The following CC2D2A variants were observed in gnomAD, a reference collection of about 807,000 sequenced individuals.
CC2D2A encodes coiled-coil and C2 domain-containing protein 2A.
In CC2D2A, 155 loss-of-function variants were observed where a neutral mutation model predicts 212.9. That is an observed-to-expected ratio of 0.73 (90% CI 0.64 to 0.83). The LOEUF (loss-of-function observed/expected upper bound fraction) is 0.83. Among genes scored for constraint, CC2D2A ranks in the 40% least tolerant of loss-of-function variants. CC2D2A has a pLI of 0.00. For synonymous variants in CC2D2A, 667 were observed against 686.5 expected (o/e 0.97, Z 0.44); for missense variants, 1,856 against 1,956.2 (o/e 0.95, Z 0.97).
intron 17 of CC2D2A, among the ~76,000 whole-genome samples, chr4:15,544,778 T>C (rs1718626264): frequency 6.6e-6 from 1 of 152,252 alleles, no homozygotes; most frequent in Admixed American, 6.5e-5. Flanking sequence ...TATCTCCTGC[T>C]TATTGCCTTG....
chr4:15,576,701 C>T (rs919655183), intron 29 of CC2D2A: 1 of 152,618 alleles, frequency 6.6e-6, no homozygotes, highest in African/African-American at 2.4e-5. Context: ...TCCACTGCCA[C>T]CTGAGGGACA....
rs557204345 is a variant in CC2D2A at position 15,522,016 on chromosome 4, T to G, written c.1149+5260T>G. Among the ~76,000 whole-genome samples the G allele has an allele frequency of 2.0e-5, 3 of 152,146 alleles. No homozygotes were observed. The South Asian group carries it at 6.2e-4, about 32-fold the overall frequency. On this transcript the variant is annotated intron_variant, in intron 11 of 36. Coordinates refer to ENST00000424120, the MANE Select transcript of CC2D2A (RefSeq NM_001378615.1). Reference sequence around the variant, plus strand: ...GAATTTGAGAACAGCCTGGACAACATAGTGAGACCCCCCTACCTCTACAAA... The same window carrying G: ...GAATTTGAGAACAGCCTGGACAACAGAGTGAGACCCCCCTACCTCTACAAA...
intron 15 of CC2D2A, 63 bp downstream of exon 15, chr4:15,537,139 C>T: frequency 6.6e-7 from 1 of 1,506,818 alleles, no homozygotes; most frequent in Non-Finnish European, 9.1e-7. Flanking sequence ...AGGGCAGCCT[C>T]CAGTACAGGA....
chr4:15,577,899 A>G (rs1224834416), intron 29 of CC2D2A, among the ~76,000 whole-genome samples: 1 of 152,176 alleles, frequency 6.6e-6, no homozygotes, highest in Non-Finnish European at 1.5e-5. Context: ...TTCCATACTC[A>G]TTTATCCAGA....
chr4:15,470,861 G>C (rs1416792499), intron 1 of CC2D2A, among the ~76,000 whole-genome samples: 1 of 151,764 alleles, frequency 6.6e-6, no homozygotes, highest in Non-Finnish European at 1.5e-5. Context: ...AGAATTTGCT[G>C]GGAAAACAGA....
At chr4:15,508,855 G>T (rs571640262) in intron 6 of CC2D2A, among the ~76,000 whole-genome samples, 1 of 152,276 alleles carries the variant, frequency 6.6e-6, no homozygotes, top group South Asian at 2.1e-4. Flanking sequence ...GTCATAGGTA[G>T]AATAAGTATG....
intron 6 of CC2D2A, among the ~76,000 whole-genome samples, chr4:15,508,620 C>T (rs1033961597): frequency 6.6e-6 from 1 of 152,180 alleles, no homozygotes; most frequent in African/African-American, 2.4e-5. Context: ...CCAAGCTCTA[C>T]AAGACAGTGC....
chr4:15,472,910 T>C (rs1009489661), intron 1 of CC2D2A, among the ~76,000 whole-genome samples: 1 of 152,224 alleles, frequency 6.6e-6, no homozygotes, highest in Admixed American at 6.5e-5. Flanking sequence ...AACCTTGATC[T>C]CAGATGAGCT....
At chr4:15,516,975 A>G (rs1442734432) in intron 11 of CC2D2A, among the ~76,000 whole-genome samples, 1 of 110,628 alleles carries the variant, frequency 9.0e-6, no homozygotes, top group Non-Finnish European at 1.7e-5. Context: ...TTTGAGACGG[A>G]GTCTCGCTGT....
intron 4 of CC2D2A, among the ~76,000 whole-genome samples, chr4:15,491,674 G>C (rs1715310793): frequency 6.6e-6 from 1 of 152,126 alleles, no homozygotes; most frequent in African/African-American, 2.4e-5. Flanking sequence ...CAAAGTGCTG[G>C]GATTGCAGGC....
rs757990480 is a variant in CC2D2A at position 15,527,536 on chromosome 4, A to C, written c.1239A>C (p.Leu413Phe). ...AACTGGACATTGATATTTCAGGGTT[A>C]ATCTTCACTCATCATCCCTGTTTTA... ...NFQLDIDISGLIFTHHPCFSR... is the reference protein window; with the variant it reads ...NFQLDIDISGFIFTHHPCFSR... Residue 413 changes from leucine to phenylalanine, a missense_variant, in exon 12 of 37, where the codon TTA becomes TTC. Around this residue, in one of 5 missense-constraint regions of CC2D2A, gnomAD observed 1,512 missense variants for 1,579.3 expected, o/e 0.96. Transcript: ENST00000424120. 1 of 1,613,500 alleles carries C rather than the reference A, an allele frequency of 6.2e-7. No homozygotes were observed. Among genetic ancestry groups the C allele is most frequent in the South Asian group, 1.1e-5 (1 of 90,908 alleles).
chr4:15,550,771 T>C (rs1718956189), intron 17 of CC2D2A, 53 bp from the exon 18 acceptor site: 2 of 1,358,768 alleles, frequency 1.5e-6, no homozygotes, highest in Non-Finnish European at 2.0e-6. Context: ...TATCTGAGCG[T>C]GAGCACACAC....
intron 4 of CC2D2A, among the ~76,000 whole-genome samples, chr4:15,496,654 A>G (rs988505692): frequency 1.8e-4 from 27 of 152,284 alleles, no homozygotes; most frequent in Admixed American, 6.5e-5. Flanking sequence ...CACACAAAGG[A>G]ATATAATTTC....
At chr4:15,578,082 C>A (rs1577391064) in intron 29 of CC2D2A, among the ~76,000 whole-genome samples, 1 of 152,202 alleles carries the variant, frequency 6.6e-6, no homozygotes, top group East Asian at 1.9e-4. Flanking sequence ...GACCATTCTA[C>A]ATTAGAAATC....
chr4:15,481,721 G>A, intron 4 of CC2D2A: 1 of 892,202 alleles, frequency 1.1e-6, no homozygotes, highest in Non-Finnish European at 1.3e-6. Flanking sequence ...AAATTACCCA[G>A]TCTCAGATAT....
chr4:15,594,701 G>A (rs1454457225), intron 33 of CC2D2A, among the ~76,000 whole-genome samples: 1 of 152,182 alleles, frequency 6.6e-6, no homozygotes, highest in Non-Finnish European at 1.5e-5. Flanking sequence ...AAAGTAACAC[G>A]AGAAAGGGTA....
chr4:15,493,368 A>G (rs1577322532), intron 4 of CC2D2A, among the ~76,000 whole-genome samples: 1 of 152,116 alleles, frequency 6.6e-6, no homozygotes, highest in East Asian at 1.9e-4. Context: ...TCCTGGGCAC[A>G]GCCATCCTCC....
chr4:15,558,098 A>G (rs2109058956), intron 21 of CC2D2A, among the ~76,000 whole-genome samples: 1 of 152,274 alleles, frequency 6.6e-6, no homozygotes, highest in East Asian at 1.9e-4. Context: ...GAGGAACTGC[A>G]GGTAACAGGC....
At chr4:15,478,273 G>C (rs1343573716) in intron 2 of CC2D2A, among the ~76,000 whole-genome samples, 1 of 152,184 alleles carries the variant, frequency 6.6e-6, no homozygotes, top group African/African-American at 2.4e-5. Flanking sequence ...TCCTTTTCCT[G>C]CTGGTAAGGC....
Sources: allele counts gnomAD v4.1 joint callset (sites outside exome capture counted in the v4.1 genomes callset), GRCh38; gene constraint gnomAD v4.1.1; regional missense constraint gnomAD v4.1.1; transcripts MANE v1.5; gene names NCBI Gene and HGNC (gene_info 2026-07-23, HGNC 2026-07-21).